Variants in KAZN observed in about 807,000 individuals in gnomAD.
The protein encoded by KAZN is kazrin, periplakin interacting protein, also known as kazrin.
A neutral mutation model predicts 87.4 loss-of-function variants in KAZN; 40 were observed. The ratio of observed to expected loss-of-function variants is 0.46; its 90% CI spans 0.36 to 0.60. The LOEUF (loss-of-function observed/expected upper bound fraction) is 0.60. Among genes scored for constraint, KAZN ranks in the 20% least tolerant of loss-of-function variants. The pLI is 0.00. For missense variants in KAZN, 898 were observed against 1,073.9 expected, an observed-to-expected ratio of 0.84 and a Z score of 2.29; for synonymous variants, 466 against 458.3, an observed-to-expected ratio of 1.02 and a Z score of -0.22.
rs1640740342 is a variant in KAZN at position 15,094,961 on chromosome 1, G to C, written c.1547+28G>C. The C allele has an allele frequency of 1.3e-6, 2 of 1,502,310 alleles. No individual in the cohort carries two copies. Among genetic ancestry groups the C allele is most frequent in the Middle Eastern group, 1.7e-4 (1 of 5,800 alleles). 93.1% of individuals were successfully genotyped at this position (1,502,310 alleles called of 1,614,324 possible). On this transcript the variant is annotated intron_variant, in intron 10 of 14. Transcript: ENST00000376030. The surrounding 1 kb of genome is among the most constrained non-coding windows in gnomAD (Gnocchi z 4.5). ...GAGCCCACCACGAGGGGCCCCGGGG[G>C]AGGAGAGAAAAAGTCATCCTGAGGC...
intron 2 of KAZN, among the ~76,000 whole-genome samples, chr1:14,469,485 G>T (rs1453905642): frequency 6.6e-6 from 1 of 152,168 alleles, no homozygotes; most frequent in East Asian, 1.9e-4. Flanking sequence ...AGGTTATTTT[G>T]CTAGCAGAAA....
intron 8 of KAZN, among the ~76,000 whole-genome samples, chr1:15,085,939 C>T (rs564356540): frequency 3.3e-4 from 50 of 152,290 alleles, no homozygotes; most frequent in Middle Eastern, 3.4e-3. Context: ...CATCTAGCCA[C>T]ATTGCAATGA....
chr1:14,146,525 A>T (rs1179776001), intron 1 of KAZN, among the ~76,000 whole-genome samples: 1 of 143,262 alleles, frequency 7.0e-6, no homozygotes, highest in East Asian at 2.0e-4. Flanking sequence ...AACAAGAGTG[A>T]AACTCCATCT....
At chr1:14,901,234 C>T (rs149622243) in intron 1 of KAZN, among the ~76,000 whole-genome samples, 7 of 152,196 alleles carry the variant, frequency 4.6e-5, no homozygotes, top group Admixed American at 2.0e-4. Context: ...ATCTGTCGGA[C>T]GGGGAAAGAG....
intron 2 of KAZN, among the ~76,000 whole-genome samples, chr1:14,997,201 TTTC>T (rs1667964012): frequency 7.3e-6 from 1 of 137,330 alleles, no homozygotes; most frequent in African/African-American, 2.9e-5. Context: ...TCTTTCTTTC[TTTC>T]ATTTATTTAT....
chr1:14,963,464 G>A (rs1664117753), intron 2 of KAZN, among the ~76,000 whole-genome samples: 1 of 152,212 alleles, frequency 6.6e-6, no homozygotes, highest in African/African-American at 2.4e-5. Flanking sequence ...TTCCCTCTGG[G>A]TATGGTCGCA....
intron 1 of KAZN, among the ~76,000 whole-genome samples, chr1:14,019,753 C>G (rs1327462425): frequency 2.0e-5 from 3 of 152,096 alleles, no homozygotes; most frequent in Admixed American, 6.6e-5. Context: ...GAGCCCAGAA[C>G]AAAGAGTGTT....
At chr1:14,965,627 G>C (rs761829448) in intron 2 of KAZN, among the ~76,000 whole-genome samples, 1 of 152,156 alleles carries the variant, frequency 6.6e-6, no homozygotes, top group Non-Finnish European at 1.5e-5. Context: ...AATTTATTTA[G>C]CCGTTTCCCT....
chr1:14,025,452 C>A (rs1317776336), intron 1 of KAZN, among the ~76,000 whole-genome samples: 5 of 152,190 alleles, frequency 3.3e-5, no homozygotes, highest in African/African-American at 1.2e-4. Flanking sequence ...TGTCTTAACC[C>A]TAAGACAAAG....
At chr1:14,715,305 T>C (rs80075902) in intron 1 of KAZN, among the ~76,000 whole-genome samples, 2 of 152,288 alleles carry the variant, frequency 1.3e-5, no homozygotes, top group South Asian at 2.1e-4. Context: ...CTTCACCATA[T>C]GCTTGTCTCA....
chr1:15,071,145 T>C (rs549069734), intron 8 of KAZN, among the ~76,000 whole-genome samples: 7 of 152,382 alleles, frequency 4.6e-5, no homozygotes, highest in Admixed American at 4.6e-4. Flanking sequence ...TTAGAAGTTA[T>C]TTAAATATCA....
chr1:14,727,671 G>T (rs1238065785), intron 1 of KAZN, among the ~76,000 whole-genome samples: 1 of 151,098 alleles, frequency 6.6e-6, no homozygotes, highest in Non-Finnish European at 1.5e-5. Flanking sequence ...TCTCCATGTT[G>T]GTCAGGCTGG....
intron 2 of KAZN, among the ~76,000 whole-genome samples, chr1:14,444,001 AAAACAAG>A (rs1666838609): frequency 6.6e-6 from 1 of 152,204 alleles, no homozygotes; most frequent in Non-Finnish European, 1.5e-5. Context: ...TGAAAGTTAT[AAAACAAG>A]GAATCTGGCC....
At chr1:14,924,557 G>A (rs1572842617) in intron 1 of KAZN, 2 of 1,012,246 alleles carry the variant, frequency 2.0e-6, no homozygotes, top group Non-Finnish European at 2.4e-6. Flanking sequence ...AGCGGATGGC[G>A]ACTGCAGCCA....
At chr1:14,307,279 CA>C (rs1654996326) in intron 2 of KAZN, among the ~76,000 whole-genome samples, 1 of 152,212 alleles carries the variant, frequency 6.6e-6, no homozygotes, top group Non-Finnish European at 1.5e-5. Context: ...TGTGCTTCCC[CA>C]CCATTTTTCA....
intron 2 of KAZN, among the ~76,000 whole-genome samples, chr1:14,997,873 C>A (rs1176202666): frequency 1.3e-5 from 2 of 152,156 alleles, no homozygotes; most frequent in Non-Finnish European, 2.9e-5. Flanking sequence ...TGGCTTTGGG[C>A]AAGTTGCTTA....
intron 1 of KAZN, among the ~76,000 whole-genome samples, chr1:14,829,575 A>G (rs1315847237): frequency 6.6e-6 from 1 of 152,198 alleles, no homozygotes; most frequent in East Asian, 1.9e-4. Context: ...GTCTCTGAAA[A>G]AAAGAAAAGA....
intron 1 of KAZN, among the ~76,000 whole-genome samples, chr1:14,099,447 C>T (rs1644201002): frequency 6.6e-6 from 1 of 152,170 alleles, no homozygotes; most frequent in African/African-American, 2.4e-5. Flanking sequence ...TCACCAGATA[C>T]TCCCTATAGG....
intron 2 of KAZN, among the ~76,000 whole-genome samples, chr1:14,255,905 C>G (rs1650475233): frequency 6.6e-6 from 1 of 152,188 alleles, no homozygotes; most frequent in Non-Finnish European, 1.5e-5. Context: ...GTTATGCTGC[C>G]TGGTGAGTCA....
Sources: gnomAD v4.1 joint callset for allele counts (sites outside exome capture counted in the v4.1 genomes callset) on GRCh38, gnomAD v4.1.1 for gene constraint, Gnocchi (gnomAD v3.1) non-coding constraint, MANE v1.5 for transcripts, NCBI Gene and HGNC (gene_info 2026-07-23, HGNC 2026-07-21) for gene names.